SYPL1: variants seen among roughly 807,000 people sequenced by gnomAD.
SYPL1 encodes the protein synaptophysin like 1, also known as synaptophysin-like protein 1.
SYPL1 carries 6 observed loss-of-function variants against 23.7 expected under a neutral mutation model. The observed-to-expected ratio is 0.25, with a 90% confidence interval of 0.14 to 0.50. The LOEUF is 0.50. Ranked by LOEUF, SYPL1 falls within the 20% of genes least tolerant of loss-of-function variation. The pLI is 0.98. For synonymous variants in SYPL1, 102 were observed against 104.5 expected, an observed-to-expected ratio of 0.98 and a Z score of 0.15; for missense variants, 253 against 288.9, an observed-to-expected ratio of 0.88 and a Z score of 0.90.
chr7:106,091,774 T>TA lies in SYPL1; in HGVS notation c.*30dup. The TA allele has an allele frequency of 6.3e-7, 1 of 1,591,002 alleles. No individual in the cohort carries two copies. Among genetic ancestry groups the TA allele is most frequent in the Non-Finnish European group, 8.5e-7 (1 of 1,172,240 alleles). On this transcript the variant is annotated 3_prime_UTR_variant, in exon 5 of 5. Transcript: ENST00000455385. The surrounding 1 kb of genome is among the most constrained non-coding windows in gnomAD (Gnocchi z 5.0). ...TTGGCAACATGTCATAGTATCAACATATACTTCATACAGTGTATTTCTCCC... is the reference window on the plus strand; with the variant it reads ...TTGGCAACATGTCATAGTATCAACATAATACTTCATACAGTGTATTTCTCCC...
At chr7:106,099,031 A>T in intron 2 of SYPL1, 127 bp downstream of exon 2, 11 of 1,173,526 alleles carry the variant, frequency 9.4e-6, no homozygotes, top group Non-Finnish European at 1.3e-5. Flanking sequence ...GGAGGTAATG[A>T]TCACTTACAA....
In SYPL1 at chr7:106,097,433, C is replaced by T. The variant is rs1840069646; in HGVS notation, c.402+257G>A. Among the ~76,000 whole-genome samples, 1 of 151,802 alleles carries T rather than the reference C, an allele frequency of 6.6e-6. No homozygotes were observed. Among genetic ancestry groups the T allele is most frequent in the Non-Finnish European group, 1.5e-5 (1 of 67,946 alleles). On this transcript the variant is annotated intron_variant, in intron 3 of 4. Coordinates refer to ENST00000455385, the MANE Select transcript of SYPL1 (RefSeq NM_182715.4). This position sits in a 1 kb window ranked among gnomAD's most constrained non-coding sequence, Gnocchi z 4.6. ...GACTTAATTTTTTTGCTATTTGTAA[C>T]CTGATGTGCTTTATTACATATCTGA...
upstream of SYPL1, chr7:106,112,429 G>A: frequency 3.5e-6 from 5 of 1,426,536 alleles, no homozygotes; most frequent in Non-Finnish European, 4.6e-6. Context: ...GGCTGGGGAG[G>A]CGAGGGGCGG....
intron 1 of SYPL1, among the ~76,000 whole-genome samples, chr7:106,102,095 A>C (rs911095704): frequency 7.6e-6 from 1 of 131,510 alleles, no homozygotes; most frequent in African/African-American, 2.6e-5. Flanking sequence ...AAAGATTACA[A>C]CTTTTTTTTT....
Position 106,091,921 on chromosome 7 carries a change from T to A in SYPL1, c.610A>T (p.Met204Leu). The A allele has an allele frequency of 1.9e-6, 3 of 1,611,498 alleles. No homozygotes were observed. The highest frequency in any genetic ancestry group is 1.7e-6 in the Non-Finnish European group (2 of 1,179,198). The change falls in exon 5 of 5, where the codon ATG (methionine) becomes TTG (leucine). Residue 204 changes from methionine (M) to leucine (L), a missense_variant. By Grantham distance (15) the Met-to-Leu change is conservative. Coordinates refer to ENST00000455385, the MANE Select transcript of SYPL1 (RefSeq NM_182715.4). The surrounding 1 kb of genome is among the most constrained non-coding windows in gnomAD (Gnocchi z 5.0). Reference sequence around the variant, plus strand: ...CAAGCATTTCCTCCCCAGAGTATCATATTTAGAAAGCCAAATATCTATGAA... The same window carrying A: ...CAAGCATTTCCTCCCCAGAGTATCAAATTTAGAAAGCCAAATATCTATGAA... ...NVSVIFGFLNMILWGGNAWFV... is the reference protein window; with the variant it reads ...NVSVIFGFLNLILWGGNAWFV...
In SYPL1 at chr7:106,099,201, T is replaced by A; in HGVS notation, c.151A>T (p.Thr51Ser). The stretch of plus-strand genomic sequence containing the variant: ...GTAGCTGTAACAGTTTTATTCTCAG[T>A]AACTGCAGGAGGACAATTCACTTGA... ...EIQVNCPPAV[T>S]ENKTVTATFG... The change falls in exon 2 of 5, where the codon ACT becomes TCT. Residue 51 changes from threonine (T) to serine (S), a missense_variant. Physicochemically the swap from Thr to Ser is moderately conservative, Grantham distance 58. Transcript: ENST00000455385. 6.2e-7 allele frequency: 1 copy of A among 1,613,910 alleles called. No individual in the cohort carries two copies. The highest frequency in any genetic ancestry group is 8.5e-7 in the Non-Finnish European group (1 of 1,179,964).
At chr7:106,106,520 C>G (rs1840609947) in intron 1 of SYPL1, among the ~76,000 whole-genome samples, 1 of 150,940 alleles carries the variant, frequency 6.6e-6, no homozygotes, top group South Asian at 2.1e-4. Flanking sequence ...CCACTGCACT[C>G]CAGCCTGGGC....
At chr7:106,101,666 A>G (rs920630389) in intron 1 of SYPL1, among the ~76,000 whole-genome samples, 1 of 151,856 alleles carries the variant, frequency 6.6e-6, no homozygotes, top group East Asian at 1.9e-4. Context: ...GTTTTATGTT[A>G]AAAAAGAAGG....
At chr7:106,108,039 A>G (rs1840701879) in intron 1 of SYPL1, among the ~76,000 whole-genome samples, 1 of 152,074 alleles carries the variant, frequency 6.6e-6, no homozygotes, top group Non-Finnish European at 1.5e-5. Context: ...TACTAAAAAT[A>G]CAAAACTTAG....
chr7:106,112,517 T>A (rs927636085), upstream of SYPL1: 23 of 1,522,850 alleles, frequency 1.5e-5, no homozygotes, highest in South Asian at 3.7e-5. Context: ...ACCAAGTAGA[T>A]GTTGGGCGCC....
rs1274040182 is a variant in SYPL1, at chr7:106,095,269, G to A, written c.403-2132C>T. ...CACAGAATTGAGAATATTGCTAAAA[G>A]GGCTTGTCCTCATTAATAGTACCTA... On this transcript the variant is annotated intron_variant, in intron 3 of 4. Transcript: ENST00000455385. This position sits in a 1 kb window ranked among gnomAD's most constrained non-coding sequence, Gnocchi z 4.3. Among the ~76,000 whole-genome samples the A allele has an allele frequency of 2.0e-5, 3 of 151,980 alleles. No homozygotes were observed. Among genetic ancestry groups the A allele is most frequent in the Non-Finnish European group, 4.4e-5 (3 of 68,008 alleles).
chr7:106,112,147 A>T lies in SYPL1; in HGVS notation c.62T>A (p.Leu21His). Residue 21 changes from leucine to histidine, a missense_variant, in exon 1 of 5, where the codon CTC becomes CAC. Coordinates refer to ENST00000455385, the MANE Select transcript of SYPL1 (RefSeq NM_182715.4). ...LKEPLGFIKVLEWIASIFAFA... is the reference protein window; with the variant it reads ...LKEPLGFIKVHEWIASIFAFA... The stretch of plus-strand genomic sequence containing the variant: ...GGCGCGGGCTGCACTCACCCACTCG[A>T]GGACCTTGATGAAGCCGAGTGGCTC... 1 of 1,532,422 alleles carries T rather than the reference A, an allele frequency of 6.5e-7. No individual in the cohort carries two copies. The highest frequency in any genetic ancestry group is 8.8e-7 in the Non-Finnish European group (1 of 1,131,298). The allele number at this position is 1,532,422 out of a possible 1,614,324, so 94.9% of individuals were successfully genotyped here.
intron 1 of SYPL1, among the ~76,000 whole-genome samples, chr7:106,111,347 G>T (rs1332700889): frequency 6.6e-6 from 1 of 152,202 alleles, no homozygotes; most frequent in Non-Finnish European, 1.5e-5. Flanking sequence ...GAAGTTTGAA[G>T]GAAGCCCGCA....
At position 106,112,278 on chromosome 7, in the gene SYPL1, G is replaced by C; in HGVS notation, c.-70C>G. 1 of 1,418,936 alleles carries C rather than the reference G, an allele frequency of 7.0e-7. No homozygotes were observed. Among genetic ancestry groups the C allele is most frequent in the Non-Finnish European group, 9.3e-7 (1 of 1,069,814 alleles). The allele number at this position is 1,418,936 out of a possible 1,614,324, so 87.9% of individuals were successfully genotyped here. A position where few individuals can be genotyped will look rare whatever the true frequency, so the allele number is the denominator to read the frequency against. On this transcript the variant is annotated 5_prime_UTR_variant, in exon 1 of 5. Transcript: ENST00000455385. The stretch of plus-strand genomic sequence containing the variant: ...GGAGGGGACCGACGAGACCAGAGCA[G>C]CCCGGTGGCGAGGAAGGGCAGGCGG...
rs772856227 is a variant in SYPL1 at position 106,100,887 on chromosome 7, C to T, written c.70-1605G>A. On this transcript the variant is annotated intron_variant, in intron 1 of 4. Coordinates refer to ENST00000455385, the MANE Select transcript of SYPL1 (RefSeq NM_182715.4). The surrounding 1 kb of genome is among the most constrained non-coding windows in gnomAD (Gnocchi z 5.1). ...AGTTCATATAAAGGCCTGCAAGATC[C>T]TTTCTTCCCTTATATTTCTGACCTC... Among the ~76,000 whole-genome samples, 1 of 152,154 alleles carries T rather than the reference C, an allele frequency of 6.6e-6. No individual in the cohort carries two copies. The highest frequency in any genetic ancestry group is 2.4e-5 in the African/African-American group (1 of 41,418).
rs894635417 is a variant in SYPL1, at chr7:106,104,883, T to C, written c.70-5601A>G. Among the ~76,000 whole-genome samples the C allele has an allele frequency of 6.6e-6, 1 of 152,198 alleles. No individual in the cohort carries two copies. The highest frequency in any genetic ancestry group is 2.4e-5 in the African/African-American group (1 of 41,460). ...GGCAGCCTGTTGGTAAAACCCGGCC[T>C]GCAAATATATTTGTGTGGCCTTTCC... is the stretch of plus-strand genomic sequence containing the variant. On this transcript the variant is annotated intron_variant, in intron 1 of 4. Transcript: ENST00000455385. The surrounding 1 kb of genome is among the most constrained non-coding windows in gnomAD (Gnocchi z 4.1).
intron 1 of SYPL1, among the ~76,000 whole-genome samples, chr7:106,102,275 C>T (rs913956372): frequency 2.6e-5 from 4 of 151,960 alleles, no homozygotes; most frequent in Non-Finnish European, 5.9e-5. Flanking sequence ...TTTGTATTTT[C>T]GGTAGAGACG....
rs907018607 is a variant in SYPL1, at chr7:106,099,257, G to A, written c.95C>T (p.Thr32Ile). The A allele has an allele frequency of 6.2e-7, 1 of 1,612,262 alleles. No homozygotes were observed. Among genetic ancestry groups the A allele is most frequent in the South Asian group, 1.1e-5 (1 of 90,800 alleles). The change falls in exon 2 of 5, where the codon ACC becomes ATC. Residue 32 changes from threonine to isoleucine, a missense_variant. Transcript: ENST00000455385. ...EWIASIFAFA[T>I]CGGFKGQTEI... ...TGTTTGGCCCTTAAAACCTCCACAG[G>A]TGGCAAAAGCAAAGATAGAAGCAAT...
rs183151764 is a variant in SYPL1, at chr7:106,100,384, T to C, written c.70-1102A>G. 4.6e-5 allele frequency among the ~76,000 whole-genome samples: 7 copies of C among 152,320 alleles called. No individual in the cohort carries two copies. The highest frequency in any genetic ancestry group is 8.8e-5 in the Non-Finnish European group (6 of 68,034). ...GTTGGAAATTAACAACATAGAATGT[T>C]GGAGATTAACAACATAGAAAGTGTT... is the stretch of plus-strand genomic sequence containing the variant. On this transcript the variant is annotated intron_variant, in intron 1 of 4. Coordinates refer to ENST00000455385, the MANE Select transcript of SYPL1 (RefSeq NM_182715.4). The surrounding 1 kb of genome is among the most constrained non-coding windows in gnomAD (Gnocchi z 5.1).
Sources: gnomAD v4.1 joint callset for allele counts (sites outside exome capture counted in the v4.1 genomes callset) on GRCh38, gnomAD v4.1.1 for gene constraint, Gnocchi (gnomAD v3.1) non-coding constraint, MANE v1.5 for transcripts, NCBI Gene and HGNC (gene_info 2026-07-23, HGNC 2026-07-21) for gene names.